The following FAM120C variants were observed in gnomAD, a reference collection of about 807,000 sequenced individuals.
The protein encoded by FAM120C is constitutive coactivator of PPAR-gamma-like protein 2.
In FAM120C, 14 loss-of-function variants were observed where a neutral mutation model predicts 71.2. The observed-to-expected ratio is 0.20, with a 90% CI of 0.13 to 0.31. The LOEUF is 0.31. Among genes scored for constraint, FAM120C ranks in the 10% least tolerant of loss-of-function variants. The probability of loss-of-function intolerance (pLI) is 1.00; values close to 1 mark genes in which losing one functional copy is unlikely to be tolerated. For synonymous variants in FAM120C, 354 were observed against 353.2 expected (o/e 1.00, Z -0.03); for missense variants, 500 against 879.0 (o/e 0.57, Z 5.45).
chrX:54,080,106 C>T, intron 15 of FAM120C, 126 bp downstream of exon 15: 1 of 535,172 alleles, frequency 1.9e-6, no homozygotes, highest in Non-Finnish European at 3.2e-6. Context: ...AAATCAAATG[C>T]CTGGAGGAGT....
At chrX:54,102,336 C>G (rs1261620094) in intron 10 of FAM120C, among the ~76,000 whole-genome samples, 1 of 90,108 alleles carries the variant, frequency 1.1e-5, no homozygotes, top group Non-Finnish European at 2.2e-5. Flanking sequence ...GCCTCTTAGT[C>G]TATTTTCTGT....
Position 54,182,448 on chromosome X carries a change from T to A in FAM120C, c.699+52A>T, listed in dbSNP as rs2067355597. 3 of 1,134,413 alleles carry A rather than the reference T, an allele frequency of 2.6e-6. No homozygotes were observed. The East Asian group carries it at 9.4e-5, about 36-fold the overall frequency. The allele number at this position is 1,134,413 out of a possible 1,213,427, so 93.5% of individuals were successfully genotyped here. A position where few individuals can be genotyped will look rare whatever the true frequency, so the allele number is the denominator to read the frequency against. On this transcript the variant is annotated intron_variant, in intron 1 of 15. Transcript: ENST00000375180. ...GTGGGTAGGTGGTTAGGTATTTAGTTGGGAGGGAATAGGTGTGGGGCTTAT... is the reference window on the plus strand; with the variant it reads ...GTGGGTAGGTGGTTAGGTATTTAGTAGGGAGGGAATAGGTGTGGGGCTTAT...
At chrX:54,089,102 C>G (rs782693195) in intron 11 of FAM120C, among the ~76,000 whole-genome samples, 4 of 111,257 alleles carry the variant, frequency 3.6e-5, no homozygotes, top group Non-Finnish European at 5.6e-5. Context: ...TCCTTTATAG[C>G]AACTGTAAAT....
intron 1 of FAM120C, among the ~76,000 whole-genome samples, chrX:54,176,559 G>C (rs1047521833): frequency 9.9e-5 from 11 of 111,390 alleles, no homozygotes; most frequent in African/African-American, 3.6e-4. Flanking sequence ...CGCCCATGTG[G>C]TAGCTATTAT....
chrX:54,133,421 A>G (rs892853777), intron 8 of FAM120C, among the ~76,000 whole-genome samples: 1 of 112,827 alleles, frequency 8.9e-6, no homozygotes, highest in Non-Finnish European at 1.9e-5. Flanking sequence ...ATGGACATGT[A>G]TAAGACCAGA....
chrX:54,147,376 G>A (rs1038115477), intron 4 of FAM120C: 1 of 111,366 alleles, frequency 9.0e-6, no homozygotes, highest in Non-Finnish European at 1.9e-5. Flanking sequence ...GTGACGAAGG[G>A]AACGTCATCA....
chrX:54,079,905 CT>C (rs1486867543), intron 15 of FAM120C, among the ~76,000 whole-genome samples: 2 of 112,071 alleles, frequency 1.8e-5, no homozygotes, highest in Non-Finnish European at 3.8e-5. Context: ...CTCAGGCAGG[CT>C]GTGGGCAGTC....
At chrX:54,131,435 AT>A (rs782721502) in intron 9 of FAM120C, among the ~76,000 whole-genome samples, 3,148 of 95,865 alleles carry the variant, frequency 0.033, 159 homozygotes, top group African/African-American at 0.11. Context: ...TGCCCAGCTA[AT>A]TTTTTTTTTT....
chrX:54,142,838 C>T (rs1258617468), intron 4 of FAM120C, among the ~76,000 whole-genome samples: 1 of 111,975 alleles, frequency 8.9e-6, no homozygotes, highest in Non-Finnish European at 1.9e-5. Context: ...AGACACCTCC[C>T]AGTAGGGGCC....
rs368537489 is a variant in FAM120C, at chrX:54,182,701, C to T, written c.498G>A (p.Glu166=). ...ACAYPGGDGL[E]LVVMFPGGLG... ...GGCCCCCCGGGAACATGACCACGAG[C>T]TCCAGGCCGTCGCCGCCAGGATAGG... Residue 166 remains glutamate, a synonymous_variant, in exon 1 of 16, where the codon GAG becomes GAA. Transcript: ENST00000375180. The T allele has an allele frequency of 2.5e-6, 3 of 1,209,877 alleles. No individual in the cohort carries two copies. The highest frequency in any genetic ancestry group is 1.8e-5 in the South Asian group (1 of 56,630).
intron 10 of FAM120C, among the ~76,000 whole-genome samples, chrX:54,113,535 A>G: frequency 9.0e-6 from 1 of 111,499 alleles, no homozygotes; most frequent in Non-Finnish European, 1.9e-5. Flanking sequence ...GCTCTTGCAC[A>G]GCAAAAGAAA....
chrX:54,091,271 C>T lies in FAM120C; in HGVS notation c.2427+41G>A. 7.3e-6 allele frequency: 7 copies of T among 962,562 alleles called. No individual in the cohort carries two copies. The South Asian group carries it at 1.2e-4, about 17-fold the overall frequency. The allele number at this position is 962,562 out of a possible 1,213,427, so 79.3% of individuals were successfully genotyped here. A position where few individuals can be genotyped will look rare whatever the true frequency, so the allele number is the denominator to read the frequency against. On this transcript the variant is annotated intron_variant, in intron 11 of 15. Coordinates refer to ENST00000375180, the MANE Select transcript of FAM120C (RefSeq NM_017848.6). Reference sequence around the variant, plus strand: ...AAAAGACCTAAAGTAGTGCCATAAGCTCATAAAAGAAAGAACTTAAATGAG... The same window carrying T: ...AAAAGACCTAAAGTAGTGCCATAAGTTCATAAAAGAAAGAACTTAAATGAG...
rs1308248404 is a variant in FAM120C at position 54,182,494 on chromosome X, C to T, written c.699+6G>A. 8.3e-7 allele frequency: 1 copy of T among 1,202,864 alleles called. No homozygotes were observed. The highest frequency in any genetic ancestry group is 1.1e-6 in the Non-Finnish European group (1 of 891,607). On this transcript the variant is annotated splice_donor_region_variant and intron_variant, in intron 1 of 15. Coordinates refer to ENST00000375180, the MANE Select transcript of FAM120C (RefSeq NM_017848.6). ...CTTATTATTTAAGATCCGGCCCCTCCCTCACCTTGACCCGGAAGCGGATGA... is the reference window on the plus strand; with the variant it reads ...CTTATTATTTAAGATCCGGCCCCTCTCTCACCTTGACCCGGAAGCGGATGA...
intron 1 of FAM120C, among the ~76,000 whole-genome samples, chrX:54,173,083 AAAC>A (rs1317769085): frequency 8.9e-6 from 1 of 112,433 alleles, no homozygotes; most frequent in African/African-American, 3.2e-5. Flanking sequence ...CACTTTTATA[AAAC>A]TACTGCTTAA....
chrX:54,080,007 A>G (rs1282502487), intron 15 of FAM120C, among the ~76,000 whole-genome samples: 2 of 110,477 alleles, frequency 1.8e-5, no homozygotes, highest in African/African-American at 6.6e-5. Context: ...CCTGGTTTCT[A>G]TCTTGTGGCC....
intron 9 of FAM120C, among the ~76,000 whole-genome samples, chrX:54,117,532 C>CA (rs371728081): frequency 0.015 from 1,257 of 84,125 alleles, 19 homozygotes; most frequent in African/African-American, 0.039. Context: ...CTGTTTCTAC[C>CA]AAAAAAAAAA....
chrX:54,129,337 A>C (rs2067049351), intron 9 of FAM120C, among the ~76,000 whole-genome samples: 1 of 107,560 alleles, frequency 9.3e-6, no homozygotes, highest in Admixed American at 9.7e-5. Context: ...CTCACCTCCC[A>C]GACGGGGTCG....
intron 9 of FAM120C, among the ~76,000 whole-genome samples, chrX:54,117,376 A>C (rs782634648): frequency 2.1e-4 from 21 of 97,816 alleles, no homozygotes; most frequent in African/African-American, 7.9e-4. Context: ...AAATAAAATA[A>C]AATAAAATAA....
Position 54,072,769 on chromosome X carries a change from T to C in FAM120C, c.*264A>G. ...AGGCTCCCAGAGGAGATAAATAAACTATTGGTGCTATATCTTCAATTTGAG... is the reference window on the plus strand; with the variant it reads ...AGGCTCCCAGAGGAGATAAATAAACCATTGGTGCTATATCTTCAATTTGAG... On this transcript the variant is annotated 3_prime_UTR_variant, in exon 16 of 16. Coordinates refer to ENST00000375180, the MANE Select transcript of FAM120C (RefSeq NM_017848.6). 3.6e-6 allele frequency: 1 copy of C among 280,025 alleles called. No homozygotes were observed. Among genetic ancestry groups the C allele is most frequent in the East Asian group, 5.5e-5 (1 of 18,036 alleles). 23.1% of individuals were successfully genotyped at this position (280,025 alleles called of 1,213,427 possible). A position where few individuals can be genotyped will look rare whatever the true frequency, so the allele number is the denominator to read the frequency against.
Sources: allele counts gnomAD v4.1 joint callset (sites outside exome capture counted in the v4.1 genomes callset), GRCh38; gene constraint gnomAD v4.1.1; transcripts MANE v1.5; gene names NCBI Gene and HGNC (gene_info 2026-07-23, HGNC 2026-07-21).